CDC5L: variants seen among roughly 807,000 people sequenced by gnomAD.
CDC5L encodes the protein cell division cycle 5-like protein.
Under a neutral mutation model 104.1 loss-of-function variants are expected in CDC5L, and 18 were observed. The observed-to-expected ratio is 0.17, with a 90% confidence interval of 0.12 to 0.26. The LOEUF (loss-of-function observed/expected upper bound fraction) is 0.26. Ranked by LOEUF, CDC5L falls within the 10% of genes least tolerant of loss-of-function variation. The pLI is 1.00. For synonymous variants in CDC5L, 331 were observed against 322.7 expected (o/e 1.03, Z -0.28); for missense variants, 673 against 956.9 (o/e 0.70, Z 3.91).
intron 14 of CDC5L, among the ~76,000 whole-genome samples, chr6:44,437,131 TCTCTTGTAC>T (rs1210013744): frequency 3.9e-5 from 6 of 152,220 alleles, no homozygotes; most frequent in African/African-American, 1.4e-4. Flanking sequence ...AGTTTTATAC[TCTCTTGTAC>T]CTCAGTGTTG....
intron 14 of CDC5L, among the ~76,000 whole-genome samples, chr6:44,438,369 T>C (rs1793031786): frequency 6.6e-6 from 1 of 152,230 alleles, no homozygotes; most frequent in Admixed American, 6.5e-5. Flanking sequence ...GATACCTAGC[T>C]TGTGTAATGA....
At chr6:44,416,648 A>G (rs1791921399) in intron 8 of CDC5L, among the ~76,000 whole-genome samples, 1 of 152,244 alleles carries the variant, frequency 6.6e-6, no homozygotes, top group African/African-American at 2.4e-5. Context: ...AACCACGTCA[A>G]CAAAGGATAA....
intron 14 of CDC5L, among the ~76,000 whole-genome samples, chr6:44,433,720 A>G (rs994607004): frequency 4.6e-5 from 7 of 152,240 alleles, no homozygotes; most frequent in African/African-American, 1.7e-4. Flanking sequence ...AAGAACACAG[A>G]TAACACACTT....
chr6:44,444,655 CT>C (rs11572042), intron 14 of CDC5L, among the ~76,000 whole-genome samples: 5,516 of 152,182 alleles, frequency 0.036, 208 homozygotes, highest in African/African-American at 0.094. Context: ...GTTCCAGACT[CT>C]TTTCTTCACT....
chr6:44,399,541 T>G (rs1042560971), intron 5 of CDC5L, among the ~76,000 whole-genome samples: 1 of 152,254 alleles, frequency 6.6e-6, no homozygotes, highest in Non-Finnish European at 1.5e-5. Flanking sequence ...ATTCTTTTTC[T>G]CTGTTTAGAT....
At chr6:44,433,469 G>T (rs939272918) in intron 14 of CDC5L, among the ~76,000 whole-genome samples, 1 of 152,160 alleles carries the variant, frequency 6.6e-6, no homozygotes, top group Non-Finnish European at 1.5e-5. Context: ...GAAATGAGAA[G>T]TCTGAATTTA....
chr6:44,446,130 C>T (rs1238862156), intron 15 of CDC5L, among the ~76,000 whole-genome samples: 1 of 152,198 alleles, frequency 6.6e-6, no homozygotes, highest in Non-Finnish European at 1.5e-5. Flanking sequence ...GAATACTTAG[C>T]CCTTGTGATT....
At chr6:44,429,491 T>A (rs1016561600) in intron 13 of CDC5L, among the ~76,000 whole-genome samples, 1 of 152,178 alleles carries the variant, frequency 6.6e-6, no homozygotes, top group African/African-American at 2.4e-5. Flanking sequence ...GTTTATACTT[T>A]TGAGGAAACA....
At chr6:44,411,637 A>AGAGTGTGTGTGTGT in intron 8 of CDC5L, among the ~76,000 whole-genome samples, 12 of 123,746 alleles carry the variant, frequency 9.7e-5, no homozygotes, top group Middle Eastern at 4.0e-3. Flanking sequence ...AGAGAGAGAG[A>AGAGTGTGTGTGTGT]GTGTGTGTGT....
intron 14 of CDC5L, among the ~76,000 whole-genome samples, chr6:44,437,221 C>G (rs1792979260): frequency 6.6e-6 from 1 of 152,136 alleles, no homozygotes; most frequent in African/African-American, 2.4e-5. Flanking sequence ...TATGCATGTA[C>G]ATTTCATGCT....
chr6:44,440,617 A>T (rs566773985), intron 14 of CDC5L, among the ~76,000 whole-genome samples: 2 of 152,108 alleles, frequency 1.3e-5, no homozygotes, highest in East Asian at 1.9e-4. Context: ...GATTTTTTCC[A>T]TACACATATG....
At chr6:44,421,349 T>C (rs1250829082) in intron 9 of CDC5L, among the ~76,000 whole-genome samples, 1 of 152,244 alleles carries the variant, frequency 6.6e-6, no homozygotes, top group African/African-American at 2.4e-5. Flanking sequence ...TGGAAGCATG[T>C]AGTAGGAAAA....
intron 7 of CDC5L, 133 bp from the exon 8 acceptor site, chr6:44,408,311 A>G (rs1791467520): frequency 6.3e-6 from 3 of 478,460 alleles, no homozygotes; most frequent in East Asian, 3.4e-5. Context: ...TGTGTTGCCC[A>G]GGTAGGTCCC....
intron 6 of CDC5L, 112 bp from the exon 7 acceptor site, chr6:44,406,211 A>G (rs764238915): frequency 2.4e-6 from 2 of 836,730 alleles, no homozygotes; most frequent in Non-Finnish European, 3.6e-6. Flanking sequence ...CTTTTCAGTT[A>G]TTTTCTTAGA....
At chr6:44,436,540 G>A (rs1426299824) in intron 14 of CDC5L, among the ~76,000 whole-genome samples, 2 of 152,038 alleles carry the variant, frequency 1.3e-5, no homozygotes, top group Non-Finnish European at 2.9e-5. Flanking sequence ...ATGATTTGTG[G>A]TGTATGGTCT....
intron 2 of CDC5L, among the ~76,000 whole-genome samples, chr6:44,392,329 A>G (rs1318472472): frequency 6.6e-6 from 1 of 152,252 alleles, no homozygotes; most frequent in Non-Finnish European, 1.5e-5. Flanking sequence ...AAACACTGTA[A>G]GAAACGTGAT....
In CDC5L at chr6:44,393,495, C is replaced by A. The variant is rs760975567; in HGVS notation, c.361C>A (p.Arg121=). ...TGAAGAGGAAACAACAGATGATCCA[C>A]GAAAACTTAAACCTGGAGAAATAGA... ...DNEEETTDDP[R]KLKPGEIDPN... The change falls in exon 4 of 16, where the codon CGA becomes AGA. Residue 121 remains arginine, a synonymous_variant. Transcript: ENST00000371477. 4 of 1,613,860 alleles carry A rather than the reference C, an allele frequency of 2.5e-6. No homozygotes were observed. In the South Asian group the frequency reaches 4.4e-5, roughly 18 times the overall value.
At chr6:44,418,995 T>C (rs898832013) in intron 8 of CDC5L, among the ~76,000 whole-genome samples, 2 of 152,118 alleles carry the variant, frequency 1.3e-5, no homozygotes, top group African/African-American at 2.4e-5. Context: ...AGAAGCTCTT[T>C]AGTTTAATTA....
chr6:44,438,712 G>T (rs1793050696), intron 14 of CDC5L, among the ~76,000 whole-genome samples: 1 of 133,204 alleles, frequency 7.5e-6, no homozygotes, highest in Non-Finnish European at 1.6e-5. Flanking sequence ...TCCCACTACT[G>T]CCTTTCTAGA....
Sources: gnomAD v4.1 joint callset for allele counts (sites outside exome capture counted in the v4.1 genomes callset) on GRCh38, gnomAD v4.1.1 for gene constraint, MANE v1.5 for transcripts, NCBI Gene and HGNC (gene_info 2026-07-23, HGNC 2026-07-21) for gene names.